PLXNA4: variants seen among roughly 807,000 people sequenced by gnomAD.
The protein encoded by PLXNA4 is plexin-A4.
A neutral mutation model predicts 191.8 loss-of-function variants in PLXNA4; 44 were observed. That is an observed-to-expected ratio of 0.23 (90% CI 0.18 to 0.29). PLXNA4 has a LOEUF of 0.29. Ranked by LOEUF, PLXNA4 falls within the 10% of genes least tolerant of loss-of-function variation. PLXNA4 has a pLI of 1.00. For missense variants in PLXNA4, 1,800 were observed against 2,488.8 expected (o/e 0.72, Z 5.89); for synonymous variants, 1,082 against 1,009.5 (o/e 1.07, Z -1.36).
At chr7:132,202,874 A>G (rs949517401) in intron 11 of PLXNA4, 38 bp from the exon 12 acceptor site, 2 of 1,491,898 alleles carry the variant, frequency 1.3e-6, no homozygotes, top group African/African-American at 2.8e-5. Flanking sequence ...GGTGCTTGGG[A>G]ATGGCAGTGG....
intron 12 of PLXNA4, among the ~76,000 whole-genome samples, chr7:132,200,378 T>C (rs1459909299): frequency 3.9e-5 from 6 of 152,098 alleles, no homozygotes; most frequent in Non-Finnish European, 8.8e-5. Flanking sequence ...CGGTGGGGAC[T>C]GGGAAGGGAG....
rs1802214391 is a variant in PLXNA4 at position 132,322,572 on chromosome 7, AGG to A, written c.1372-24352_1372-24351del. On this transcript the variant is annotated intron_variant, in intron 3 of 31. Coordinates refer to ENST00000321063, the MANE Select transcript of PLXNA4 (RefSeq NM_020911.2). The stretch of plus-strand genomic sequence containing the variant: ...CCATTCTTTATCCCACACAGCAAGA[AGG>A]TAGCATGGCTAAACATCCTGGTGCA... 2.0e-5 allele frequency among the ~76,000 whole-genome samples: 3 copies of A among 152,304 alleles called. No homozygotes were observed. In the South Asian group the frequency reaches 6.2e-4, roughly 32 times the overall value.
intron 4 of PLXNA4, among the ~76,000 whole-genome samples, chr7:132,266,730 G>T (rs922914662): frequency 2.6e-5 from 4 of 152,228 alleles, no homozygotes; most frequent in African/African-American, 9.6e-5. Context: ...TTCTGCATAA[G>T]CATCGACCTG....
At chr7:132,305,563 T>C (rs1801486780) in intron 3 of PLXNA4, among the ~76,000 whole-genome samples, 1 of 152,166 alleles carries the variant, frequency 6.6e-6, no homozygotes. Flanking sequence ...ACGGTGAGTC[T>C]CCGCACTGCC....
chr7:132,646,026 T>C (rs1463097342), exon 2 of PLXNA4: 1 of 152,660 alleles, frequency 6.6e-6, no homozygotes, highest in Non-Finnish European at 1.5e-5. Flanking sequence ...TGATTTCCAT[T>C]TCTAACAGTG....
At chr7:132,359,265 A>C (rs1371997645) in intron 3 of PLXNA4, among the ~76,000 whole-genome samples, 1 of 137,416 alleles carries the variant, frequency 7.3e-6, no homozygotes, top group Admixed American at 8.1e-5. Flanking sequence ...TTTGTCACGC[A>C]GGCTGGAGTA....
In PLXNA4 at chr7:132,128,167, C is replaced by T. The variant is rs1250309010; in HGVS notation, c.*2312G>A. The T allele has an allele frequency of 6.6e-6, 1 of 152,168 alleles. No homozygotes were observed. Among genetic ancestry groups the T allele is most frequent in the African/African-American group, 2.4e-5 (1 of 41,436 alleles). 9.4% of individuals were successfully genotyped at this position (152,168 alleles called of 1,614,324 possible). ...CCTCAGACCGTCTCCCACATGTACC[C>T]TTTCTGGCCTTCCAGGTCCTGTGAC... On this transcript the variant is annotated 3_prime_UTR_variant, in exon 32 of 32. Transcript: ENST00000321063.
intron 1 of PLXNA4, among the ~76,000 whole-genome samples, chr7:132,532,442 T>C (rs17166546): frequency 0.38 from 57,506 of 152,078 alleles, 13,052 homozygotes; most frequent in South Asian, 0.54. Context: ...AGAATATGGG[T>C]CACTTCCTCT....
At chr7:132,497,847 T>A (rs1013178633) in intron 2 of PLXNA4, among the ~76,000 whole-genome samples, 4 of 152,182 alleles carry the variant, frequency 2.6e-5, no homozygotes. Flanking sequence ...CAGTTACTAA[T>A]GCTTCATCTC....
intron 2 of PLXNA4, among the ~76,000 whole-genome samples, chr7:132,504,562 C>T (rs1290009178): frequency 6.6e-6 from 1 of 152,180 alleles, no homozygotes; most frequent in African/African-American, 2.4e-5. Context: ...ACTCAAATCC[C>T]TTCTTCAAGC....
intron 2 of PLXNA4, among the ~76,000 whole-genome samples, chr7:132,605,475 G>A (rs1274163984): frequency 1.3e-5 from 2 of 152,112 alleles, no homozygotes; most frequent in Non-Finnish European, 2.9e-5. Flanking sequence ...GATAAGTGGT[G>A]GAAAGGTCAA....
At chr7:132,426,355 G>A (rs1795044801) in intron 3 of PLXNA4, among the ~76,000 whole-genome samples, 3 of 152,274 alleles carry the variant, frequency 2.0e-5, no homozygotes, top group South Asian at 2.1e-4. Flanking sequence ...CAGGAGTTAG[G>A]GTAGGAACAG....
chr7:132,429,575 A>G (rs1795184687), intron 3 of PLXNA4, among the ~76,000 whole-genome samples: 2 of 152,196 alleles, frequency 1.3e-5, no homozygotes. Context: ...TTCACATGCC[A>G]TGATATATTG....
At chr7:132,134,473 T>C (rs1795056755) in intron 30 of PLXNA4, among the ~76,000 whole-genome samples, 1 of 152,206 alleles carries the variant, frequency 6.6e-6, no homozygotes, top group Non-Finnish European at 1.5e-5. Flanking sequence ...TAGTGAGGGC[T>C]GGGATGGCTT....
chr7:132,146,134 G>A (rs574792910), intron 28 of PLXNA4, among the ~76,000 whole-genome samples: 6 of 150,978 alleles, frequency 4.0e-5, no homozygotes, highest in African/African-American at 1.5e-4. Flanking sequence ...AAGTCGTGAT[G>A]GAGCCCCGAC....
At chr7:132,471,872 G>A (rs934540941) in intron 3 of PLXNA4, among the ~76,000 whole-genome samples, 17 of 152,142 alleles carry the variant, frequency 1.1e-4, no homozygotes, top group African/African-American at 4.1e-4. Context: ...TTTCTTACTG[G>A]AACCAGGTAT....
rs546566390 is a variant in PLXNA4 at position 132,153,364 on chromosome 7, C to G, written c.4661-4718G>C. ...TGGAGCTGAGCTGAGGCCAGGGAGA[C>G]AGAGCGGGGAGGGGATAAGGAGAGG... is the stretch of plus-strand genomic sequence containing the variant. On this transcript the variant is annotated intron_variant, in intron 25 of 31. Coordinates refer to ENST00000321063, the MANE Select transcript of PLXNA4 (RefSeq NM_020911.2). Among the ~76,000 whole-genome samples the G allele has an allele frequency of 2.0e-5, 3 of 152,146 alleles. No homozygotes were observed. In the South Asian group the frequency reaches 6.2e-4, roughly 32 times the overall value.
At chr7:132,513,831 T>C (rs962983396) in intron 1 of PLXNA4, among the ~76,000 whole-genome samples, 5 of 151,886 alleles carry the variant, frequency 3.3e-5, no homozygotes, top group Admixed American at 3.3e-4. Context: ...CCCACCACCA[T>C]GCCTGGCTAA....
intron 1 of PLXNA4, among the ~76,000 whole-genome samples, chr7:132,565,130 A>G (rs1327127571): frequency 6.6e-6 from 1 of 152,174 alleles, no homozygotes; most frequent in African/African-American, 2.4e-5. Context: ...GTGTGTAAAT[A>G]GACTCTTTCT....
Sources: gnomAD v4.1 joint callset for allele counts (sites outside exome capture counted in the v4.1 genomes callset) on GRCh38, gnomAD v4.1.1 for gene constraint, MANE v1.5 for transcripts, NCBI Gene and HGNC (gene_info 2026-07-23, HGNC 2026-07-21) for gene names.